The following DPP6 variants were observed in gnomAD, a reference collection of about 807,000 sequenced individuals.
DPP6 encodes the protein dipeptidyl peptidase like 6.
In DPP6, 69 loss-of-function variants were observed where a neutral mutation model predicts 122.6. The observed-to-expected ratio is 0.56, with a 90% CI of 0.46 to 0.69. DPP6 has a LOEUF of 0.69. Among genes scored for constraint, DPP6 ranks in the 30% least tolerant of loss-of-function variants. The pLI is 0.00. For synonymous variants in DPP6, 418 were observed against 433.1 expected, an observed-to-expected ratio of 0.97 and a Z score of 0.43; for missense variants, 928 against 1,116.9, an observed-to-expected ratio of 0.83 and a Z score of 2.41.
chr7:154,383,489 C>A (rs1426979399), intron 1 of DPP6, among the ~76,000 whole-genome samples: 2 of 152,168 alleles, frequency 1.3e-5, no homozygotes, highest in African/African-American at 4.8e-5. Flanking sequence ...AGGTGTAAAA[C>A]ATTCTAGTCA....
chr7:154,680,407 C>T (rs1043327678), intron 7 of DPP6, among the ~76,000 whole-genome samples: 1 of 152,120 alleles, frequency 6.6e-6, no homozygotes, highest in African/African-American at 2.4e-5. Context: ...CTGGAAATGT[C>T]CTAAGTGTTG....
chr7:153,967,094 A>T (rs1387993899), intron 1 of DPP6, among the ~76,000 whole-genome samples: 2 of 126,216 alleles, frequency 1.6e-5, no homozygotes, highest in Non-Finnish European at 3.0e-5. Context: ...CACAAAAGAT[A>T]AAAAAAAAAT....
At chr7:154,820,175 A>G (rs975758011) in intron 16 of DPP6, among the ~76,000 whole-genome samples, 2 of 152,240 alleles carry the variant, frequency 1.3e-5, no homozygotes, top group Admixed American at 6.5e-5. Context: ...GGACGAGAGT[A>G]TAGCCAACAG....
intron 1 of DPP6, among the ~76,000 whole-genome samples, chr7:153,990,809 G>A (rs1383417028): frequency 2.0e-5 from 3 of 152,230 alleles, no homozygotes; most frequent in African/African-American, 7.2e-5. Context: ...TTGAAGAAAA[G>A]AGGACGAAGG....
At chr7:154,418,068 A>G (rs1308926183) in intron 1 of DPP6, among the ~76,000 whole-genome samples, 2 of 152,232 alleles carry the variant, frequency 1.3e-5, no homozygotes, top group Non-Finnish European at 2.9e-5. Flanking sequence ...TAGGACCTGC[A>G]TTTGCAGGAG....
At chr7:154,573,278 G>C (rs895623874) in intron 5 of DPP6, among the ~76,000 whole-genome samples, 8 of 152,280 alleles carry the variant, frequency 5.3e-5, no homozygotes, top group African/African-American at 1.9e-4. Context: ...GGAGCTCTCT[G>C]TCTCCCTCTG....
In DPP6 at chr7:154,207,119, ATTG is replaced by A. The variant is rs1452041461; in HGVS notation, c.243+154063_243+154065del. Among the ~76,000 whole-genome samples, 7 of 126,516 alleles carry A rather than the reference ATTG, an allele frequency of 5.5e-5. No individual in the cohort carries two copies. The South Asian group carries it at 1.4e-3, about 26-fold the overall frequency. The allele number at this position is 126,516 out of a possible 152,430, so 83.0% of individuals were successfully genotyped here. On this transcript the variant is annotated intron_variant, in intron 1 of 25. Transcript: ENST00000377770. The stretch of plus-strand genomic sequence containing the variant: ...CATTATCAAGATGAAAATGTGGAAT[ATTG>A]TTGTTGGCAAAGCCACATTAACACA...
intron 1 of DPP6, among the ~76,000 whole-genome samples, chr7:154,164,866 C>A (rs1008627637): frequency 5.7e-4 from 87 of 152,298 alleles, no homozygotes; most frequent in Admixed American, 3.7e-3. Context: ...CCATCAGTTG[C>A]TGGACACTTC....
chr7:153,904,936 G>A (rs938745332), intron 1 of DPP6, among the ~76,000 whole-genome samples: 1 of 152,228 alleles, frequency 6.6e-6, no homozygotes, highest in Admixed American at 6.5e-5. Context: ...TAGACAGGAA[G>A]CTGTCCATTT....
At chr7:154,698,015 T>A (rs1411591011) in intron 7 of DPP6, among the ~76,000 whole-genome samples, 2 of 152,250 alleles carry the variant, frequency 1.3e-5, no homozygotes, top group African/African-American at 4.8e-5. Flanking sequence ...TAATACAGAA[T>A]ATAGTAAAAA....
chr7:154,254,501 A>G (rs1802538363), intron 1 of DPP6, among the ~76,000 whole-genome samples: 1 of 152,176 alleles, frequency 6.6e-6, no homozygotes, highest in Non-Finnish European at 1.5e-5. Flanking sequence ...GCTTCTGAGA[A>G]AAATCCAAGC....
At position 154,893,167 on chromosome 7, in the gene DPP6, T is replaced by C. The variant is rs1047049; in HGVS notation, c.*687T>C. Reference sequence around the variant, plus strand: ...TTTGGGGTTGGGCCTTGTTTCCCTTTCCTTTCTCCAGTCCACGTGTAGACT... The same window carrying C: ...TTTGGGGTTGGGCCTTGTTTCCCTTCCCTTTCTCCAGTCCACGTGTAGACT... On this transcript the variant is annotated 3_prime_UTR_variant, in exon 26 of 26. Transcript: ENST00000377770. The C allele has an allele frequency of 2.9e-6, 1 of 339,296 alleles. No homozygotes were observed. The highest frequency in any genetic ancestry group is 2.2e-5 in the African/African-American group (1 of 45,610). The allele number at this position is 339,296 out of a possible 1,614,324, so 21.0% of individuals were successfully genotyped here. A position where few individuals can be genotyped will look rare whatever the true frequency, so the allele number is the denominator to read the frequency against.
At chr7:154,828,594 C>G (rs537233999) in intron 16 of DPP6, among the ~76,000 whole-genome samples, 1 of 152,168 alleles carries the variant, frequency 6.6e-6, no homozygotes, top group Non-Finnish European at 1.5e-5. Context: ...TATATTCCAG[C>G]GGGCTACATT....
At chr7:154,839,034 C>T (rs540050700) in intron 16 of DPP6, among the ~76,000 whole-genome samples, 5 of 152,150 alleles carry the variant, frequency 3.3e-5, no homozygotes, top group Non-Finnish European at 5.9e-5. Context: ...TCCACAGAGC[C>T]CCAGGCAACA....
intron 1 of DPP6, among the ~76,000 whole-genome samples, chr7:154,176,582 A>G (rs1797812442): frequency 6.6e-6 from 1 of 152,236 alleles, no homozygotes. Flanking sequence ...GTGTGTGTCC[A>G]GAGTCACCAT....
At chr7:154,492,081 G>A (rs56019401) in intron 3 of DPP6, among the ~76,000 whole-genome samples, 8,679 of 152,218 alleles carry the variant, frequency 0.057, 813 homozygotes, top group African/African-American at 0.19. Flanking sequence ...GTGCTGCTAG[G>A]TGCCTAAAGC....
chr7:153,825,700 C>T, the DPP6 span, among the ~76,000 whole-genome samples: 1 of 152,166 alleles, frequency 6.6e-6, no homozygotes, highest in African/African-American at 2.4e-5. Flanking sequence ...GCAGGGATTA[C>T]AAGTGCACAC....
At chr7:154,540,965 A>G (rs1213950254) in intron 4 of DPP6, among the ~76,000 whole-genome samples, 1 of 152,230 alleles carries the variant, frequency 6.6e-6, no homozygotes, top group Admixed American at 6.5e-5. Context: ...GAATTTGCTC[A>G]ATCCTGTTTA....
chr7:154,217,901 C>G (rs1484341454), intron 1 of DPP6, among the ~76,000 whole-genome samples: 1 of 152,196 alleles, frequency 6.6e-6, no homozygotes, highest in Non-Finnish European at 1.5e-5. Flanking sequence ...GGCTGAGGAC[C>G]AGAGCGCCTG....
Sources: allele counts gnomAD v4.1 joint callset (sites outside exome capture counted in the v4.1 genomes callset), GRCh38; gene constraint gnomAD v4.1.1; transcripts MANE v1.5; gene names NCBI Gene and HGNC (gene_info 2026-07-23, HGNC 2026-07-21).